The following KCNMB3 variants were observed in gnomAD, a reference collection of about 807,000 sequenced individuals.
KCNMB3 encodes the protein calcium-activated potassium channel subunit beta-3.
Under a neutral mutation model 11.9 loss-of-function variants are expected in KCNMB3, and 18 were observed. The ratio of observed to expected loss-of-function variants is 1.51; its 90% CI spans 1.04 to 2.23. KCNMB3 has a LOEUF of 2.23. Ranked by LOEUF, KCNMB3 falls within the 30% of genes most tolerant of loss-of-function variation. The pLI, the probability that KCNMB3 is intolerant of heterozygous loss-of-function variation, is 0.00. For synonymous variants in KCNMB3, 78 were observed against 119.2 expected, an observed-to-expected ratio of 0.65 and a Z score of 2.25; for missense variants, 247 against 329.4, an observed-to-expected ratio of 0.75 and a Z score of 1.94.
rs1059690 is a variant in KCNMB3 at position 179,243,192 on chromosome 3, G to A, written c.540C>T (p.Thr180=). Residue 180 remains threonine, a synonymous_variant, in exon 3 of 3, where the codon ACC becomes ACT. Transcript: ENST00000392685. The part of the protein sequence containing the change: ...IKEFFDHKNG[T]PFSCFYSPAS... ...CTGGACTGTAGAAGCATGAAAAGGGGGTTCCATTTTTGTGATCGAAGAATT... is the reference window on the plus strand; with the variant it reads ...CTGGACTGTAGAAGCATGAAAAGGGAGTTCCATTTTTGTGATCGAAGAATT... 42,532 of 1,432,860 alleles carry A rather than the reference G, an allele frequency of 0.03. 752 individuals carry two copies. Among genetic ancestry groups the A allele is most frequent in the Non-Finnish European group, 0.036 (36,931 of 1,034,592 alleles). The allele number at this position is 1,432,860 out of a possible 1,614,324, so 88.8% of individuals were successfully genotyped here.
chr3:179,265,400 A>G (rs1401505772), intron 1 of KCNMB3, among the ~76,000 whole-genome samples: 2 of 152,186 alleles, frequency 1.3e-5, no homozygotes, highest in African/African-American at 2.4e-5. Context: ...GCCAATAATA[A>G]ATCATGCATA....
At chr3:179,260,744 T>C (rs73188910) in intron 1 of KCNMB3, 116,832 of 1,434,604 alleles carry the variant, frequency 0.081, 5,464 homozygotes, top group Non-Finnish European at 0.091. Context: ...TTCAGCAAAC[T>C]GAAACTGCAG....
upstream of KCNMB3, among the ~76,000 whole-genome samples, chr3:179,256,438 AG>A (rs1726014027): frequency 6.6e-6 from 1 of 152,054 alleles, no homozygotes; most frequent in South Asian, 2.1e-4. Flanking sequence ...TCCATCTCAA[AG>A]AAAAAAAAAG....
At chr3:179,246,073 C>T (rs575137228) in intron 1 of KCNMB3, among the ~76,000 whole-genome samples, 1 of 152,300 alleles carries the variant, frequency 6.6e-6, no homozygotes, top group African/African-American at 2.4e-5. Flanking sequence ...CTTACCGGTT[C>T]CTTAAACATA....
chr3:179,255,010 C>A (rs1197657848), upstream of KCNMB3, among the ~76,000 whole-genome samples: 1 of 151,718 alleles, frequency 6.6e-6, no homozygotes, highest in Non-Finnish European at 1.5e-5. Context: ...ATTAAAAATA[C>A]AAAAATTAGC....
rs201210513 is a variant in KCNMB3 at position 179,243,235 on chromosome 3, C to T, written c.497G>A (p.Ser166Asn). Residue 166 changes from serine to asparagine, a missense_variant, in exon 3 of 3, where the codon AGT becomes AAT. Coordinates refer to ENST00000392685, the MANE Select transcript of KCNMB3 (RefSeq NM_171830.2). ...GAAGAATTCTTTTATGTCCAGAGCACTGTTGAGCAAATCATTTCTATCTTG... is the reference window on the plus strand; with the variant it reads ...GAAGAATTCTTTTATGTCCAGAGCATTGTTGAGCAAATCATTTCTATCTTG... ...CHQDRNDLLN[S>N]ALDIKEFFDH... 2,199 of 1,336,284 alleles carry T rather than the reference C, an allele frequency of 1.6e-3. 23 individuals are homozygous for T. In the Admixed American group the frequency reaches 0.022, roughly 13 times the overall value. The allele number at this position is 1,336,284 out of a possible 1,614,324, so 82.8% of individuals were successfully genotyped here. A position where few individuals can be genotyped will look rare whatever the true frequency, so the allele number is the denominator to read the frequency against.
At chr3:179,258,066 C>G (rs1013003197) in intron 1 of KCNMB3, among the ~76,000 whole-genome samples, 1 of 151,896 alleles carries the variant, frequency 6.6e-6, no homozygotes, top group Non-Finnish European at 1.5e-5. Flanking sequence ...TTGTATTTTT[C>G]GTAGAGACAG....
chr3:179,240,097 T>C, downstream of KCNMB3: 3 of 1,456,688 alleles, frequency 2.1e-6, no homozygotes, highest in Non-Finnish European at 1.9e-6. Flanking sequence ...AAAATTACTT[T>C]TTGTGTCCAA....
At chr3:179,262,837 C>T (rs1450670815) in intron 1 of KCNMB3, among the ~76,000 whole-genome samples, 1 of 152,200 alleles carries the variant, frequency 6.6e-6, no homozygotes, top group South Asian at 2.1e-4. Context: ...TCGATTGGTG[C>T]ATTCACAAAC....
chr3:179,242,981 T>C lies in KCNMB3; in HGVS notation c.751A>G (p.Lys251Glu), dbSNP rs1725506482. The change falls in exon 3 of 3, where the codon AAA becomes GAA. Residue 251 changes from lysine (K) to glutamate (E), a missense_variant. Transcript: ENST00000392685. ...STVVRDEVGG[K>E]VPYIEQHQFK... is the part of the protein sequence containing the mutation. ...TGATGCTGTTCTATATAAGGTACTT[T>C]TCCACCTACCTCATCTCTGACTACA... 6.2e-7 allele frequency: 1 copy of C among 1,607,458 alleles called. No individual in the cohort carries two copies. The highest frequency in any genetic ancestry group is 1.7e-5 in the Admixed American group (1 of 58,812).
At chr3:179,255,360 G>A (rs569023137), upstream of KCNMB3, among the ~76,000 whole-genome samples, 1 of 151,772 alleles carries the variant, frequency 6.6e-6, no homozygotes, top group African/African-American at 2.4e-5. Flanking sequence ...CAAAATGTCA[G>A]AAATCAAGGA....
intron 2 of KCNMB3, among the ~76,000 whole-genome samples, chr3:179,243,954 T>C (rs1206028955): frequency 1.3e-5 from 2 of 152,164 alleles, no homozygotes; most frequent in African/African-American, 2.4e-5. Context: ...CGGATTGAAA[T>C]TGATGCTTAA....
chr3:179,248,228 T>C lies in KCNMB3; in HGVS notation c.248+2515A>G, dbSNP rs537932408. Among the ~76,000 whole-genome samples the C allele has an allele frequency of 7.2e-5, 11 of 152,318 alleles. No individual in the cohort carries two copies. The South Asian group carries it at 2.3e-3, about 32-fold the overall frequency. On this transcript the variant is annotated intron_variant, in intron 1 of 2. Transcript: ENST00000392685. ...CCTTTCTGAGCCTCAGCTTTCTCAT[T>C]TATAAAATGAAAACTAAAATAACAC...
At chr3:179,267,033 G>A (rs1466835054), upstream of KCNMB3, 1 of 691,898 alleles carries the variant, frequency 1.4e-6, no homozygotes, top group Non-Finnish European at 1.9e-6. Context: ...CTGTGTTTCC[G>A]CCTCGGCAGC....
In KCNMB3 at chr3:179,243,225, G is replaced by A. The variant is rs1725520534; in HGVS notation, c.507C>T (p.Asp169=). 1 of 1,347,204 alleles carries A rather than the reference G, an allele frequency of 7.4e-7. No homozygotes were observed. Among genetic ancestry groups the A allele is most frequent in the Middle Eastern group, 1.8e-4 (1 of 5,432 alleles). 83.5% of individuals were successfully genotyped at this position (1,347,204 alleles called of 1,614,324 possible). A position where few individuals can be genotyped will look rare whatever the true frequency, so the allele number is the denominator to read the frequency against. ...TTTTGTGATCGAAGAATTCTTTTAT[G>A]TCCAGAGCACTGTTGAGCAAATCAT... ...DRNDLLNSAL[D]IKEFFDHKNG... Residue 169 remains aspartate, a synonymous_variant, in exon 3 of 3, where the codon GAC becomes GAT. Coordinates refer to ENST00000392685, the MANE Select transcript of KCNMB3 (RefSeq NM_171830.2).
chr3:179,248,887 C>T (rs768325183), intron 1 of KCNMB3, among the ~76,000 whole-genome samples: 2 of 152,058 alleles, frequency 1.3e-5, no homozygotes, highest in Middle Eastern at 3.2e-3. Flanking sequence ...TAGCTTATGC[C>T]TGTAATCCCA....
chr3:179,241,003 G>A (rs548295591), downstream of KCNMB3: 68 of 152,212 alleles, frequency 4.5e-4, no homozygotes, highest in African/African-American at 1.4e-3. Flanking sequence ...AGCAGGTTCT[G>A]GGCCTTAAAT....
chr3:179,254,107 A>G (rs183048054), upstream of KCNMB3, among the ~76,000 whole-genome samples: 13 of 152,338 alleles, frequency 8.5e-5, no homozygotes, highest in Non-Finnish European at 1.6e-4. Context: ...ATAGGGTCAC[A>G]GGGACAGGAG....
rs1725815692 is a variant in KCNMB3 at position 179,250,852 on chromosome 3, A to T, written c.139T>A (p.Ser47Thr). ...ACGGCTCGGTCCTCTCCAGCACTGG[A>T]TGGCAGCCTCTTGTGCACATCTAGT... ...DPLDVHKRLP[S>T]SAGEDRAVML... Residue 47 changes from serine to threonine, a missense_variant, in exon 1 of 3, where the codon TCC (serine) becomes ACC (threonine). Ser to Thr is a moderately conservative substitution (Grantham distance 58). Coordinates refer to ENST00000392685, the MANE Select transcript of KCNMB3 (RefSeq NM_171830.2). 6.2e-7 allele frequency: 1 copy of T among 1,614,142 alleles called. No homozygotes were observed. The highest frequency in any genetic ancestry group is 8.5e-7 in the Non-Finnish European group (1 of 1,180,006).
Sources: gnomAD v4.1 joint callset for allele counts (sites outside exome capture counted in the v4.1 genomes callset) on GRCh38, gnomAD v4.1.1 for gene constraint, MANE v1.5 for transcripts, NCBI Gene and HGNC (gene_info 2026-07-23, HGNC 2026-07-21) for gene names.